Variants in CHEK2 observed in about 807,000 individuals in gnomAD.
The protein encoded by CHEK2 is serine/threonine-protein kinase Chk2.
In CHEK2, 71 loss-of-function variants were observed where a neutral mutation model predicts 69.1. The observed-to-expected ratio is 1.03, with a 90% CI of 0.85 to 1.25. The LOEUF (loss-of-function observed/expected upper bound fraction) is 1.25. Among genes scored for constraint, CHEK2 ranks in the 50% most tolerant of loss-of-function variants. CHEK2 has a pLI of 0.00. For synonymous variants in CHEK2, 189 were observed against 226.9 expected (o/e 0.83, Z 1.50); for missense variants, 664 against 649.6 (o/e 1.02, Z -0.24).
chr22:28,739,784 G>A (rs1366448503), intron 1 of CHEK2, among the ~76,000 whole-genome samples: 1 of 152,196 alleles, frequency 6.6e-6, no homozygotes. Flanking sequence ...ATGCTGGAAA[G>A]AATGTGCAGA....
rs1555917027 is a variant in CHEK2, at chr22:28,703,560, T to C, written c.853A>G (p.Ile285Val). The change falls in exon 8 of 15, where the codon ATC becomes GTC. Residue 285 changes from isoleucine to valine, a missense_variant. By Grantham distance (29) the Ile-to-Val change is conservative. Transcript: ENST00000404276. ...EILKKLNHPC[I>V]IKIKNFFDAE... ...TCAAAAAAGTTTTTAATCTTGATGA[T>C]GCAAGGCTAAGAAGAGGGGGAGAAA... is the stretch of plus-strand genomic sequence containing the variant. The C allele has an allele frequency of 6.4e-7, 1 of 1,560,172 alleles. No homozygotes were observed. Among genetic ancestry groups the C allele is most frequent in the Non-Finnish European group, 8.8e-7 (1 of 1,136,880 alleles).
intron 8 of CHEK2, 58 bp downstream of exon 8, chr22:28,703,447 G>T (rs2145875736): frequency 1.1e-6 from 1 of 919,198 alleles, no homozygotes; most frequent in Non-Finnish European, 1.7e-6. Context: ...TAGATTCTTT[G>T]GTGGCTTTAT....
intron 4 of CHEK2, among the ~76,000 whole-genome samples, chr22:28,721,119 G>C (rs928172610): frequency 1.3e-5 from 2 of 152,062 alleles, no homozygotes; most frequent in Non-Finnish European, 2.9e-5. Context: ...ATATCTATAG[G>C]CCAAATGCAG....
intron 1 of CHEK2, among the ~76,000 whole-genome samples, chr22:28,736,070 AACTGTACCCTGAC>A (rs1193771544): frequency 6.6e-6 from 1 of 152,262 alleles, no homozygotes; most frequent in South Asian, 2.1e-4. Flanking sequence ...AATTTTGCCC[AACTGTACCCTGAC>A]ATAAGTGTTC....
chr22:28,715,400 T>TATTG (rs1050117584), intron 5 of CHEK2, among the ~76,000 whole-genome samples: 3 of 151,126 alleles, frequency 2.0e-5, no homozygotes, highest in Non-Finnish European at 3.0e-5. Flanking sequence ...TTTTTATTTT[T>TATTG]ATTTATTTAT....
chr22:28,715,033 C>T (rs932083878), intron 5 of CHEK2, among the ~76,000 whole-genome samples: 1 of 152,180 alleles, frequency 6.6e-6, no homozygotes, highest in Admixed American at 6.5e-5. Context: ...CATGATCATG[C>T]CACCGCACTC....
intron 5 of CHEK2, among the ~76,000 whole-genome samples, chr22:28,717,147 G>T (rs1267740405): frequency 6.6e-6 from 1 of 151,612 alleles, no homozygotes; most frequent in Non-Finnish European, 1.5e-5. Flanking sequence ...GGGGGACCGA[G>T]GCAGGCGGAT....
intron 4 of CHEK2, among the ~76,000 whole-genome samples, chr22:28,722,922 G>A (rs1490164253): frequency 6.6e-6 from 1 of 152,198 alleles, no homozygotes; most frequent in Non-Finnish European, 1.5e-5. Context: ...GGAGAAGAGT[G>A]CTTATATGAA....
intron 4 of CHEK2, among the ~76,000 whole-genome samples, chr22:28,722,539 C>CAAA (rs755107963): frequency 2.5e-4 from 17 of 67,914 alleles, no homozygotes; most frequent in African/African-American, 4.5e-4. Flanking sequence ...GACTCCGTCT[C>CAAA]AAAAAAAAAA....
intron 13 of CHEK2, among the ~76,000 whole-genome samples, chr22:28,690,814 AG>A (rs2145762208): frequency 7.0e-6 from 1 of 143,768 alleles, no homozygotes; most frequent in East Asian, 2.3e-4. Context: ...GAAAGAAGCA[AG>A]GAAGGAAAAA....
intron 7 of CHEK2, among the ~76,000 whole-genome samples, chr22:28,705,142 G>A (rs2053067284): frequency 6.7e-6 from 1 of 150,114 alleles, no homozygotes; most frequent in Non-Finnish European, 1.5e-5. Flanking sequence ...GCGGTGGCGA[G>A]ATCTCGGCTC....
intron 2 of CHEK2, among the ~76,000 whole-genome samples, chr22:28,733,210 A>T (rs140126741): frequency 6.6e-6 from 1 of 152,340 alleles, no homozygotes; most frequent in East Asian, 1.9e-4. Context: ...TTTTGAGACA[A>T]AAACAAGTAA....
At chr22:28,709,912 G>T in intron 7 of CHEK2, 94 bp downstream of exon 7, 1 of 754,658 alleles carries the variant, frequency 1.3e-6, no homozygotes, top group Non-Finnish European at 2.3e-6. Context: ...CACCACACCT[G>T]GCCAATATTA....
chr22:28,725,095 T>A lies in CHEK2; in HGVS notation c.474A>T (p.Ala158=), dbSNP rs745699485. The A allele has an allele frequency of 1.2e-6, 2 of 1,614,142 alleles. No homozygotes were observed. Among genetic ancestry groups the A allele is most frequent in the South Asian group, 1.1e-5 (1 of 91,084 alleles). The change falls in exon 4 of 15, where the codon GCA becomes GCT. Residue 158 remains alanine (A), a synonymous_variant. Coordinates refer to ENST00000404276, the MANE Select transcript of CHEK2 (RefSeq NM_007194.4). ...REVGPKNSYI[A]YIEDHSGNGT... ...CATTGCCACTGTGATCTTCTATGTA[T>A]GCAATGTAAGAGTTTTTAGGACCCA...
chr22:28,720,074 T>G (rs1352744477), intron 4 of CHEK2, among the ~76,000 whole-genome samples: 1 of 150,088 alleles, frequency 6.7e-6, no homozygotes, highest in African/African-American at 2.4e-5. Context: ...TTATTTGGGC[T>G]GTATCTTAAA....
intron 1 of CHEK2, 53 bp from the exon 2 acceptor site, chr22:28,734,780 A>G (rs777829260): frequency 6.6e-7 from 1 of 1,512,208 alleles, no homozygotes; most frequent in Non-Finnish European, 9.1e-7. Context: ...ACAAGACTTA[A>G]AATTAAAAAG....
chr22:28,709,170 T>C (rs1170573390), intron 7 of CHEK2, among the ~76,000 whole-genome samples: 1 of 151,968 alleles, frequency 6.6e-6, no homozygotes, highest in Non-Finnish European at 1.5e-5. Flanking sequence ...TTTTTAAAAG[T>C]GAGACACATT....
intron 9 of CHEK2, among the ~76,000 whole-genome samples, chr22:28,697,545 T>C (rs2052640868): frequency 6.6e-6 from 1 of 151,766 alleles, no homozygotes; most frequent in Non-Finnish European, 1.5e-5. Context: ...CAACATACTA[T>C]GCCATATTTC....
chr22:28,691,906 A>G (rs1283009773), intron 13 of CHEK2, among the ~76,000 whole-genome samples: 1 of 152,210 alleles, frequency 6.6e-6, no homozygotes, highest in Non-Finnish European at 1.5e-5. Context: ...GGTTTTTTCA[A>G]AAACACTGAA....
Sources: allele counts gnomAD v4.1 joint callset (sites outside exome capture counted in the v4.1 genomes callset), GRCh38; gene constraint gnomAD v4.1.1; transcripts MANE v1.5; gene names NCBI Gene and HGNC (gene_info 2026-07-23, HGNC 2026-07-21).